The following AKAP12 variants were observed in gnomAD, a reference collection of about 807,000 sequenced individuals.
The protein encoded by AKAP12 is A-kinase anchoring protein 12.
AKAP12 carries 32 observed loss-of-function variants against 79.9 expected under a neutral mutation model. That is an observed-to-expected ratio of 0.40 (90% CI 0.30 to 0.54). AKAP12 has a LOEUF of 0.54. Ranked by LOEUF, AKAP12 falls within the 20% of genes least tolerant of loss-of-function variation. AKAP12 has a pLI of 0.48. For synonymous variants in AKAP12, 808 were observed against 857.0 expected (o/e 0.94, Z 1.00); for missense variants, 2,074 against 2,177.0 (o/e 0.95, Z 0.94).
In AKAP12 at chr6:151,353,538, A is replaced by T; in HGVS notation, c.5147A>T (p.Asp1716Val). 1 of 1,614,212 alleles carries T rather than the reference A, an allele frequency of 6.2e-7. No homozygotes were observed. ...GAAAACCAGAACTCAGCCCTGGCTG[A>T]TACTGATGCCTCAGGAGGCTTAACC... ...DPENQNSALA[D>V]TDASGGLTKE... Residue 1716 changes from aspartate (D) to valine (V), a missense_variant, in exon 4 of 5, where the codon GAT becomes GTT. This residue lies in a region of AKAP12 where 614 missense variants were observed against 665.6 expected (regional missense o/e 0.92). Transcript: ENST00000402676.
chr6:151,286,425 G>A (rs928646734), intron 2 of AKAP12, among the ~76,000 whole-genome samples: 1 of 152,338 alleles, frequency 6.6e-6, no homozygotes, highest in South Asian at 2.1e-4. Flanking sequence ...CAGGGAGGGG[G>A]CATTTCCCAG....
At chr6:151,343,890 A>G in intron 3 of AKAP12, 1 of 438,594 alleles carries the variant, frequency 2.3e-6, no homozygotes. Context: ...TAATAGGAAC[A>G]AATAGAAACT....
rs1777505400 is a variant in AKAP12, at chr6:151,325,685, T to A, written c.319+19782T>A. Reference sequence around the variant, plus strand: ...AATGCATCCGCGCTCTGCTTTTCGCTGCGGCAGCTCCGAGGGCACCTCCGG... The same window carrying A: ...AATGCATCCGCGCTCTGCTTTTCGCAGCGGCAGCTCCGAGGGCACCTCCGG... On this transcript the variant is annotated intron_variant, in intron 3 of 4. Coordinates refer to ENST00000402676, the MANE Select transcript of AKAP12 (RefSeq NM_005100.4). 1.3e-5 allele frequency: 19 copies of A among 1,432,246 alleles called. 1 individual carries two copies. The highest frequency in any genetic ancestry group is 2.1e-4 in the Middle Eastern group (1 of 4,810). The allele number at this position is 1,432,246 out of a possible 1,614,324, so 88.7% of individuals were successfully genotyped here.
At chr6:151,273,944 G>T (rs537070860) in intron 2 of AKAP12, among the ~76,000 whole-genome samples, 2 of 151,926 alleles carry the variant, frequency 1.3e-5, no homozygotes, top group Admixed American at 1.3e-4. Context: ...CAGGAGACTC[G>T]CATGAACCCA....
chr6:151,325,719 C>T, intron 3 of AKAP12: 1 of 1,504,830 alleles, frequency 6.6e-7, no homozygotes, highest in Non-Finnish European at 8.9e-7. Context: ...GGTTCTCCCC[C>T]ATCCTCCGGG....
intron 2 of AKAP12, among the ~76,000 whole-genome samples, chr6:151,273,107 C>G (rs1224762467): frequency 1.3e-5 from 2 of 152,004 alleles, no homozygotes; most frequent in Non-Finnish European, 2.9e-5. Flanking sequence ...TGGGGTTTCA[C>G]CGTGGTAGCC....
chr6:151,309,094 C>T (rs146841364), intron 3 of AKAP12, among the ~76,000 whole-genome samples: 4,309 of 152,038 alleles, frequency 0.028, 193 homozygotes, highest in African/African-American at 0.099. Context: ...AGGCTGGTCT[C>T]GAACTCCTGA....
In AKAP12 at chr6:151,351,079, C is replaced by T. The variant is rs1372278965; in HGVS notation, c.2688C>T (p.Val896=). 28 of 1,614,124 alleles carry T rather than the reference C, an allele frequency of 1.7e-5. 1 individual carries two copies. The highest frequency in any genetic ancestry group is 5.0e-5 in the Admixed American group (3 of 60,022). Residue 896 remains valine, a synonymous_variant, in exon 4 of 5, where the codon GTC becomes GTT. Transcript: ENST00000402676. This position sits in a 1 kb window ranked among gnomAD's most constrained non-coding sequence, Gnocchi z 4.4. ...ESQVHMMAAA[V]ADGTRAATII... ...AGGTTCATATGATGGCAGCAGCTGTCGCTGACGGGACGAGGGCAGCTACCA... is the reference window on the plus strand; with the variant it reads ...AGGTTCATATGATGGCAGCAGCTGTTGCTGACGGGACGAGGGCAGCTACCA...
chr6:151,338,432 T>C (rs1777868525), intron 3 of AKAP12, among the ~76,000 whole-genome samples: 1 of 150,874 alleles, frequency 6.6e-6, no homozygotes, highest in Admixed American at 6.6e-5. Flanking sequence ...CTTTTGCCTA[T>C]ATCAATTTAG....
intron 3 of AKAP12, among the ~76,000 whole-genome samples, chr6:151,322,576 G>T (rs1443616712): frequency 1.3e-5 from 2 of 152,144 alleles, no homozygotes; most frequent in African/African-American, 4.8e-5. Flanking sequence ...GCCCATGCTC[G>T]TCTGTCCCTA....
At chr6:151,240,862 C>G in intron 2 of AKAP12, 138 bp downstream of exon 2, 1 of 858,682 alleles carries the variant, frequency 1.2e-6, no homozygotes, top group Non-Finnish European at 1.5e-6. Context: ...GGAGTGCGAA[C>G]CCCTCTTTGG....
chr6:151,244,252 C>T (rs1320458156), intron 2 of AKAP12, among the ~76,000 whole-genome samples: 6 of 152,258 alleles, frequency 3.9e-5, no homozygotes, highest in East Asian at 1.9e-4. Context: ...TGGCCGGGTG[C>T]GGTGGCTCAC....
At chr6:151,332,444 C>G (rs968609432) in intron 3 of AKAP12, among the ~76,000 whole-genome samples, 8 of 152,126 alleles carry the variant, frequency 5.3e-5, no homozygotes, top group African/African-American at 1.9e-4. Flanking sequence ...TTAAAATTAT[C>G]ATATCTTTTC....
At chr6:151,341,976 G>C (rs1777962794) in intron 3 of AKAP12, among the ~76,000 whole-genome samples, 1 of 152,230 alleles carries the variant, frequency 6.6e-6, no homozygotes, top group African/African-American at 2.4e-5. Flanking sequence ...CCTCGTTCTG[G>C]GTCCCGTGAC....
intron 3 of AKAP12, among the ~76,000 whole-genome samples, chr6:151,337,381 G>T (rs1057411465): frequency 6.6e-6 from 1 of 151,684 alleles, no homozygotes; most frequent in African/African-American, 2.4e-5. Flanking sequence ...CGGGCGTCGC[G>T]GCGGGCGCCT....
At chr6:151,257,656 G>T (rs1797328191) in intron 2 of AKAP12, among the ~76,000 whole-genome samples, 1 of 152,156 alleles carries the variant, frequency 6.6e-6, no homozygotes, top group South Asian at 2.1e-4. Flanking sequence ...GGCTTAATTC[G>T]CATAGGATAA....
In AKAP12 at chr6:151,301,637, A is replaced by G. The variant is rs117443008; in HGVS notation, c.163-4110A>G. On this transcript the variant is annotated intron_variant, in intron 2 of 4. Coordinates refer to ENST00000402676, the MANE Select transcript of AKAP12 (RefSeq NM_005100.4). ...AGTGTGGACATGTCTGAATGTGACA[A>G]TCTGACTAGGAATGAAGTCCCATTT... Among the ~76,000 whole-genome samples, 408 of 152,316 alleles carry G rather than the reference A, an allele frequency of 2.7e-3. 3 individuals are homozygous for G. Among genetic ancestry groups the G allele is most frequent in the Non-Finnish European group, 4.5e-3 (308 of 67,990 alleles).
chr6:151,257,954 A>G (rs1797333202), intron 2 of AKAP12, among the ~76,000 whole-genome samples: 1 of 152,210 alleles, frequency 6.6e-6, no homozygotes, highest in Non-Finnish European at 1.5e-5. Flanking sequence ...GATAATTTGC[A>G]TTAGATTTAG....
chr6:151,304,302 C>T (rs1039028419), intron 2 of AKAP12, among the ~76,000 whole-genome samples: 15 of 151,378 alleles, frequency 9.9e-5, no homozygotes, highest in Non-Finnish European at 2.2e-4. Context: ...CCAGCCTGGC[C>T]AACATGGCAA....
Sources: allele counts gnomAD v4.1 joint callset (sites outside exome capture counted in the v4.1 genomes callset), GRCh38; gene constraint gnomAD v4.1.1; regional missense constraint gnomAD v4.1.1; non-coding constraint Gnocchi (gnomAD v3.1); transcripts MANE v1.5; gene names NCBI Gene and HGNC (gene_info 2026-07-23, HGNC 2026-07-21).